Variants in GLRX3 observed in about 807,000 individuals in gnomAD.
GLRX3 encodes glutaredoxin 3.
In GLRX3, 22 loss-of-function variants were observed where a neutral mutation model predicts 49.5. That is an observed-to-expected ratio of 0.44 (90% CI 0.32 to 0.63). GLRX3 has a LOEUF of 0.63. Among genes scored for constraint, GLRX3 ranks in the 30% least tolerant of loss-of-function variants. The pLI, the probability that GLRX3 is intolerant of heterozygous loss-of-function variation, is 0.05. For synonymous variants in GLRX3, 133 were observed against 140.0 expected (o/e 0.95, Z 0.35); for missense variants, 385 against 396.3 (o/e 0.97, Z 0.24).
chr10:130,159,930 T>C, intron 2 of GLRX3, 65 bp from the exon 3 acceptor site: 1 of 1,286,132 alleles, frequency 7.8e-7, no homozygotes, highest in South Asian at 1.2e-5. Flanking sequence ...GTGAAACTGA[T>C]TTACATATTA....
intron 6 of GLRX3, among the ~76,000 whole-genome samples, chr10:130,167,617 A>T (rs375137821): frequency 5.3e-5 from 8 of 152,334 alleles, no homozygotes; most frequent in African/African-American, 1.9e-4. Flanking sequence ...ATAGAACTTT[A>T]AAAAGGAATT....
In GLRX3 at chr10:130,173,397, G is replaced by A. The variant is rs148028226; in HGVS notation, c.825-1470G>A. Among the ~76,000 whole-genome samples the A allele has an allele frequency of 4.3e-3, 655 of 152,326 alleles. 7 individuals are homozygous for A. The highest frequency in any genetic ancestry group is 0.015 in the African/African-American group (632 of 41,574). The stretch of plus-strand genomic sequence containing the variant: ...GCCCTAGGATGAGTGAGGCCATCCA[G>A]GACCTCAGCTTCGCTTAACACGAGC... On this transcript the variant is annotated intron_variant, in intron 8 of 10. Transcript: ENST00000331244.
chr10:130,145,499 C>T (rs1862254987), intron 2 of GLRX3, among the ~76,000 whole-genome samples, 180 bp downstream of exon 2: 1 of 151,922 alleles, frequency 6.6e-6, no homozygotes, highest in South Asian at 2.1e-4. Flanking sequence ...CCTGTCTCTA[C>T]TAAAATACAA....
chr10:130,164,441 G>A (rs956938471), intron 4 of GLRX3, among the ~76,000 whole-genome samples: 4 of 152,272 alleles, frequency 2.6e-5, no homozygotes, highest in African/African-American at 9.6e-5. Flanking sequence ...ATCCAGCCGG[G>A]CTCTTACTTT....
chr10:130,173,989 C>T (rs1016703313), intron 8 of GLRX3, among the ~76,000 whole-genome samples: 2 of 152,164 alleles, frequency 1.3e-5, no homozygotes, highest in South Asian at 4.1e-4. Flanking sequence ...TGCACCTGTA[C>T]CCTCAGGCAC....
chr10:130,143,701 CT>C (rs59065659), intron 1 of GLRX3, among the ~76,000 whole-genome samples: 2,206 of 142,704 alleles, frequency 0.015, 23 homozygotes, highest in African/African-American at 0.027. Flanking sequence ...CTAGAAAAAT[CT>C]TTTTTTTTTT....
At chr10:130,167,925 G>T (rs1323965388) in intron 6 of GLRX3, among the ~76,000 whole-genome samples, 1 of 152,236 alleles carries the variant, frequency 6.6e-6, no homozygotes, top group East Asian at 1.9e-4. Flanking sequence ...TTCATGTGTG[G>T]TTCTTGCCTG....
chr10:130,167,055 A>T, intron 6 of GLRX3, 75 bp downstream of exon 6: 2 of 730,940 alleles, frequency 2.7e-6, no homozygotes, highest in Non-Finnish European at 4.4e-6. Flanking sequence ...CAGGTTTTGC[A>T]TTGCTCTTTC....
chr10:130,164,434 C>T (rs1862642368), intron 4 of GLRX3, among the ~76,000 whole-genome samples: 2 of 152,258 alleles, frequency 1.3e-5, no homozygotes, highest in East Asian at 1.9e-4. Flanking sequence ...GAGAGTCATC[C>T]AGCCGGGCTC....
Position 130,146,787 on chromosome 10 carries a change from C to G in GLRX3, c.201+1468C>G, listed in dbSNP as rs954808747. Among the ~76,000 whole-genome samples, 155 of 152,312 alleles carry G rather than the reference C, an allele frequency of 1.0e-3. 1 individual carries two copies. The highest frequency in any genetic ancestry group is 3.5e-3 in the African/African-American group (147 of 41,568). ...TATATGGGATTAAAAATAACATCAA[C>G]TGTATTGGTCTGTATGCCTCTTTCT... On this transcript the variant is annotated intron_variant, in intron 2 of 10. Coordinates refer to ENST00000331244, the MANE Select transcript of GLRX3 (RefSeq NM_006541.5).
chr10:130,169,241 A>G (rs1862755228), intron 6 of GLRX3, among the ~76,000 whole-genome samples, 192 bp from the exon 7 acceptor site: 1 of 152,198 alleles, frequency 6.6e-6, no homozygotes, highest in Admixed American at 6.5e-5. Flanking sequence ...TAAAAGCCAT[A>G]TTGTGTTTTA....
rs1240870832 is a variant in GLRX3 at position 130,177,796 on chromosome 10, A to G, written c.958-1546A>G. On this transcript the variant is annotated intron_variant, in intron 10 of 10. Coordinates refer to ENST00000331244, the MANE Select transcript of GLRX3 (RefSeq NM_006541.5). Reference sequence around the variant, plus strand: ...CGTCTGGGTTTTGTGTGACAGCATCATTCCTATTTGAATTTCATCCAGAGG... The same window carrying G: ...CGTCTGGGTTTTGTGTGACAGCATCGTTCCTATTTGAATTTCATCCAGAGG... Among the ~76,000 whole-genome samples, 3 of 152,204 alleles carry G rather than the reference A, an allele frequency of 2.0e-5. No homozygotes were observed. The East Asian group carries it at 5.8e-4, about 29-fold the overall frequency.
downstream of GLRX3, chr10:130,180,343 CACTT>C (rs1312138477): frequency 1.3e-5 from 2 of 152,130 alleles, no homozygotes; most frequent in Non-Finnish European, 1.5e-5. Context: ...ACACTTGGTC[CACTT>C]ACTTATAATA....
chr10:130,164,586 G>A (rs1862645778), intron 4 of GLRX3, among the ~76,000 whole-genome samples: 1 of 152,136 alleles, frequency 6.6e-6, no homozygotes, highest in South Asian at 2.1e-4. Flanking sequence ...TTCTGTGGCA[G>A]TTAAACATTA....
downstream of GLRX3, among the ~76,000 whole-genome samples, chr10:130,179,854 A>G (rs1862992096): frequency 6.6e-6 from 1 of 152,186 alleles, no homozygotes; most frequent in South Asian, 2.1e-4. Flanking sequence ...AACAACGGAA[A>G]TTAGTTTCTG....
At chr10:130,164,307 G>C (rs1477847146) in intron 4 of GLRX3, among the ~76,000 whole-genome samples, 1 of 152,218 alleles carries the variant, frequency 6.6e-6, no homozygotes, top group African/African-American at 2.4e-5. Context: ...ATCTTAAACA[G>C]AATCTTAAAT....
In GLRX3 at chr10:130,155,736, A is replaced by G. The variant is rs567027812; in HGVS notation, c.202-4259A>G. Among the ~76,000 whole-genome samples the G allele has an allele frequency of 6.5e-4, 99 of 152,266 alleles. No homozygotes were observed. In the Middle Eastern group the frequency reaches 0.041, roughly 63 times the overall value. Reference sequence around the variant, plus strand: ...AGTTGGGAGTTGTAATAGCAGCGTCATTTAGAGCCATAGGATCGGATGAGC... The same window carrying G: ...AGTTGGGAGTTGTAATAGCAGCGTCGTTTAGAGCCATAGGATCGGATGAGC... On this transcript the variant is annotated intron_variant, in intron 2 of 10. Transcript: ENST00000331244.
chr10:130,162,625 G>A (rs1396730860), intron 4 of GLRX3, among the ~76,000 whole-genome samples: 3 of 152,224 alleles, frequency 2.0e-5, no homozygotes, highest in Non-Finnish European at 4.4e-5. Context: ...CACACCTACA[G>A]TGAAATCTCT....
At chr10:130,166,895 A>C in intron 5 of GLRX3, 24 bp from the exon 6 acceptor site, 1 of 1,488,970 alleles carries the variant, frequency 6.7e-7, no homozygotes, top group Non-Finnish European at 9.2e-7. Context: ...TTTTTCATAA[A>C]ACTGGTATGT....
Sources: allele counts gnomAD v4.1 joint callset (sites outside exome capture counted in the v4.1 genomes callset), GRCh38; gene constraint gnomAD v4.1.1; transcripts MANE v1.5; gene names NCBI Gene and HGNC (gene_info 2026-07-23, HGNC 2026-07-21).